PRKAR2A: variants seen among roughly 807,000 people sequenced by gnomAD.
PRKAR2A encodes the protein cAMP-dependent protein kinase type II-alpha regulatory subunit.
A neutral mutation model predicts 51.9 loss-of-function variants in PRKAR2A; 29 were observed. The ratio of observed to expected loss-of-function variants is 0.56; its 90% CI spans 0.42 to 0.76. The LOEUF (loss-of-function observed/expected upper bound fraction) is 0.76. Ranked by LOEUF, PRKAR2A falls within the 30% of genes least tolerant of loss-of-function variation. The pLI, the probability that PRKAR2A is intolerant of heterozygous loss-of-function variation, is 0.00. For synonymous variants in PRKAR2A, 178 were observed against 186.2 expected (o/e 0.96, Z 0.36); for missense variants, 445 against 512.1 (o/e 0.87, Z 1.26).
chr3:48,794,073 A>G, intron 2 of PRKAR2A, 24 bp from the exon 3 acceptor site: 2 of 1,555,174 alleles, frequency 1.3e-6, no homozygotes, highest in Non-Finnish European at 8.8e-7. Context: ...GAAAAAAACA[A>G]AAAGAATGAA....
At chr3:48,802,196 C>T (rs2107345790) in intron 2 of PRKAR2A, among the ~76,000 whole-genome samples, 1 of 152,272 alleles carries the variant, frequency 6.6e-6, no homozygotes, top group East Asian at 1.9e-4. Flanking sequence ...GTGTGAGCCA[C>T]CGCACCTGGC....
chr3:48,844,074 C>G (rs1312099784), intron 1 of PRKAR2A, among the ~76,000 whole-genome samples: 1 of 151,062 alleles, frequency 6.6e-6, no homozygotes, highest in Non-Finnish European at 1.5e-5. Context: ...AGAAAATTTT[C>G]GCAACCTACT....
At position 48,847,400 on chromosome 3, in the gene PRKAR2A, G is replaced by A. The variant is rs1243207245; in HGVS notation, c.197C>T (p.Pro66Leu). The stretch of plus-strand genomic sequence containing the variant: ...GGCGTCGGCGACACGGTCCGGGCCG[G>A]GTTCTGGCGGGGGGTGGCCCAGGCT... Reference protein sequence around the residue: ...RQSLGHPPPEPGPDRVADAKG... With the variant: ...RQSLGHPPPELGPDRVADAKG... The change falls in exon 1 of 11, where the codon CCC (proline) becomes CTC (leucine). Residue 66 changes from proline to leucine, a missense_variant. Pro to Leu is a moderately conservative substitution (Grantham distance 98, BLOSUM62 -3). Coordinates refer to ENST00000265563, the MANE Select transcript of PRKAR2A (RefSeq NM_004157.4). The surrounding 1 kb of genome is among the most constrained non-coding windows in gnomAD (Gnocchi z 4.4). 1.9e-6 allele frequency: 3 copies of A among 1,607,538 alleles called. No homozygotes were observed. Among genetic ancestry groups the A allele is most frequent in the African/African-American group, 2.7e-5 (2 of 74,724 alleles).
intron 1 of PRKAR2A, among the ~76,000 whole-genome samples, chr3:48,814,108 C>T (rs953913498): frequency 3.3e-5 from 5 of 152,084 alleles, no homozygotes; most frequent in Admixed American, 3.3e-4. Context: ...ATTAGCTAGG[C>T]GTGGTGTCTC....
intron 8 of PRKAR2A, among the ~76,000 whole-genome samples, chr3:48,763,215 C>T (rs1039716244): frequency 6.6e-6 from 1 of 152,184 alleles, no homozygotes; most frequent in African/African-American, 2.4e-5. Context: ...ACAATTCTAA[C>T]ATCCTCAGAT....
At chr3:48,838,983 C>CA (rs940746232) in intron 1 of PRKAR2A, among the ~76,000 whole-genome samples, 22 of 134,924 alleles carry the variant, frequency 1.6e-4, no homozygotes, top group Admixed American at 3.9e-4. Flanking sequence ...GACTCCGTCT[C>CA]AAAAAAAAAA....
Position 48,790,641 on chromosome 3 carries a change from T to C in PRKAR2A, c.352-14A>G, listed in dbSNP as rs776884768. ...AGGATGAATCACCTGCCAATCCAAATAAAACCATGGAAACTGTTTTATTCC... is the reference window on the plus strand; with the variant it reads ...AGGATGAATCACCTGCCAATCCAAACAAAACCATGGAAACTGTTTTATTCC... On this transcript the variant is annotated splice_polypyrimidine_tract_variant and intron_variant, in intron 3 of 10. Coordinates refer to ENST00000265563, the MANE Select transcript of PRKAR2A (RefSeq NM_004157.4). 7.1e-7 allele frequency: 1 copy of C among 1,416,764 alleles called. No homozygotes were observed. The highest frequency in any genetic ancestry group is 1.7e-5 in the South Asian group (1 of 59,422). 87.8% of individuals were successfully genotyped at this position (1,416,764 alleles called of 1,614,324 possible).
intron 6 of PRKAR2A, among the ~76,000 whole-genome samples, chr3:48,769,604 G>A (rs1048318347): frequency 6.6e-6 from 1 of 152,012 alleles, no homozygotes; most frequent in Non-Finnish European, 1.5e-5. Flanking sequence ...GGCTTCCAGA[G>A]TAGCTAGGAT....
chr3:48,784,485 A>G (rs760489441), intron 4 of PRKAR2A, among the ~76,000 whole-genome samples: 9 of 152,204 alleles, frequency 5.9e-5, no homozygotes, highest in Admixed American at 1.3e-4. Context: ...GAAATCTCCT[A>G]TTTAAACACT....
At chr3:48,756,202 TATCTA>T (rs768886060) in intron 9 of PRKAR2A, among the ~76,000 whole-genome samples, 172 bp downstream of exon 9, 28 of 152,350 alleles carry the variant, frequency 1.8e-4, no homozygotes, top group Non-Finnish European at 1.5e-4. Flanking sequence ...GCTAAATCTA[TATCTA>T]ATCTAATCTA....
intron 2 of PRKAR2A, among the ~76,000 whole-genome samples, chr3:48,796,178 A>G (rs528270711): frequency 6.6e-6 from 1 of 152,284 alleles, no homozygotes; most frequent in East Asian, 1.9e-4. Flanking sequence ...ATCATCAGTG[A>G]TCTGTAACAG....
chr3:48,805,025 A>G (rs2107352898), intron 2 of PRKAR2A, among the ~76,000 whole-genome samples: 1 of 152,110 alleles, frequency 6.6e-6, no homozygotes, highest in Admixed American at 6.6e-5. Context: ...AATCTTCTTA[A>G]CTCAGCCTCC....
intron 2 of PRKAR2A, among the ~76,000 whole-genome samples, chr3:48,805,374 C>G (rs1023505207): frequency 2.6e-5 from 4 of 152,200 alleles, no homozygotes; most frequent in Non-Finnish European, 5.9e-5. Context: ...GCAAGCCAAG[C>G]TTCAGCTACA....
At chr3:48,834,035 A>T (rs1207276907) in intron 1 of PRKAR2A, among the ~76,000 whole-genome samples, 137 of 139,952 alleles carry the variant, frequency 9.8e-4, no homozygotes, top group African/African-American at 3.5e-3. Flanking sequence ...ACTCCGTCTT[A>T]AAAAAAAAAA....
At chr3:48,797,954 TTTTC>T (rs1464135120) in intron 2 of PRKAR2A, among the ~76,000 whole-genome samples, 1 of 152,128 alleles carries the variant, frequency 6.6e-6, no homozygotes, top group Non-Finnish European at 1.5e-5. Context: ...GACATTTCTT[TTTTC>T]TTTTCTTTTT....
intron 1 of PRKAR2A, among the ~76,000 whole-genome samples, chr3:48,832,091 C>T (rs890399673): frequency 4.0e-5 from 6 of 151,836 alleles, no homozygotes; most frequent in Admixed American, 3.3e-4. Context: ...GTCAGGAGTT[C>T]GAGACCAGCC....
intron 1 of PRKAR2A, among the ~76,000 whole-genome samples, chr3:48,830,889 C>A (rs1254354492): frequency 1.3e-5 from 2 of 152,134 alleles, no homozygotes; most frequent in African/African-American, 4.8e-5. Context: ...ACACTGTTCA[C>A]AACGGTTCAC....
At chr3:48,788,745 A>T (rs1356925094) in intron 4 of PRKAR2A, among the ~76,000 whole-genome samples, 1 of 152,124 alleles carries the variant, frequency 6.6e-6, no homozygotes, top group Non-Finnish European at 1.5e-5. Flanking sequence ...TCTACGAACC[A>T]GGAAGTGGGC....
intron 2 of PRKAR2A, among the ~76,000 whole-genome samples, chr3:48,798,663 AT>A (rs35860456): frequency 0.15 from 20,656 of 138,578 alleles, 1,394 homozygotes; most frequent in African/African-American, 0.27. Context: ...TTCCTTTTTA[AT>A]TTTTTTTTTT....
Sources: allele counts gnomAD v4.1 joint callset (sites outside exome capture counted in the v4.1 genomes callset), GRCh38; gene constraint gnomAD v4.1.1; non-coding constraint Gnocchi (gnomAD v3.1); transcripts MANE v1.5; gene names NCBI Gene and HGNC (gene_info 2026-07-23, HGNC 2026-07-21).